The following RBM28 variants were observed in gnomAD, a reference collection of about 807,000 sequenced individuals.
The protein encoded by RBM28 is RNA-binding protein 28.
RBM28 carries 78 observed loss-of-function variants against 98.3 expected under a neutral mutation model. The ratio of observed to expected loss-of-function variants is 0.79; its 90% CI spans 0.66 to 0.96. The LOEUF is 0.96. Among genes scored for constraint, RBM28 ranks in the 40% least tolerant of loss-of-function variants. RBM28 has a pLI of 0.00. For synonymous variants in RBM28, 306 were observed against 330.9 expected (o/e 0.92, Z 0.82); for missense variants, 838 against 913.0 (o/e 0.92, Z 1.06).
Position 128,321,278 on chromosome 7 carries a change from C to T in RBM28, c.1551G>A (p.Val517=). ...GGCCACGTCTCACCTCCTTGATGCGCACCCCTTTCTCTCCACTAGTAGCAC... is the reference window on the plus strand; with the variant it reads ...GGCCACGTCTCACCTCCTTGATGCGTACCCCTTTCTCTCCACTAGTAGCAC... The part of the protein sequence containing the change: ...LLSATSGEKG[V]RIKECRVMRD... The change falls in exon 14 of 19, where the codon GTG becomes GTA. Residue 517 remains valine (V), a synonymous_variant. Coordinates refer to ENST00000223073, the MANE Select transcript of RBM28 (RefSeq NM_018077.3). The T allele has an allele frequency of 6.2e-7, 1 of 1,614,198 alleles. No homozygotes were observed. Among genetic ancestry groups the T allele is most frequent in the Non-Finnish European group, 8.5e-7 (1 of 1,180,010 alleles).
Position 128,308,338 on chromosome 7 carries a change from T to C in RBM28, c.*2459A>G, listed in dbSNP as rs977813235. ...TTGATCTATCCTAAGTGTTAAGATATATTTTTGAATGTTAAAGATATTCGT... is the reference window on the plus strand; with the variant it reads ...TTGATCTATCCTAAGTGTTAAGATACATTTTTGAATGTTAAAGATATTCGT... On this transcript the variant is annotated 3_prime_UTR_variant, in exon 19 of 19. Transcript: ENST00000223073. 3 of 152,336 alleles carry C rather than the reference T, an allele frequency of 2.0e-5. No homozygotes were observed. Among genetic ancestry groups the C allele is most frequent in the Admixed American group, 6.5e-5 (1 of 15,296 alleles). The allele number at this position is 152,336 out of a possible 1,614,324, so 9.4% of individuals were successfully genotyped here. A position where few individuals can be genotyped will look rare whatever the true frequency, so the allele number is the denominator to read the frequency against.
chr7:128,336,097 T>C, intron 6 of RBM28, 55 bp from the exon 7 acceptor site: 1 of 1,496,750 alleles, frequency 6.7e-7, no homozygotes, highest in Non-Finnish European at 9.1e-7. Context: ...AACAATGTTA[T>C]TTTAACAAAA....
intron 1 of RBM28, among the ~76,000 whole-genome samples, chr7:128,342,681 TAAA>T (rs879672091): frequency 6.9e-6 from 1 of 144,190 alleles, no homozygotes; most frequent in Non-Finnish European, 1.5e-5. Context: ...ACGCAGTCTT[TAAA>T]AAAAAAAAAA....
At chr7:128,325,386 A>G (rs1388595602) in intron 11 of RBM28, among the ~76,000 whole-genome samples, 3 of 152,242 alleles carry the variant, frequency 2.0e-5, no homozygotes, top group Non-Finnish European at 4.4e-5. Flanking sequence ...GACTTAAGAA[A>G]TAACAGCAAT....
chr7:128,317,794 G>T, intron 15 of RBM28, 61 bp from the exon 16 acceptor site: 1 of 1,490,226 alleles, frequency 6.7e-7, no homozygotes, highest in South Asian at 1.1e-5. Context: ...GCAATGAGCT[G>T]AGTTTTTCCC....
At chr7:128,339,608 C>T in intron 2 of RBM28, 25 bp downstream of exon 2, 1 of 1,609,936 alleles carries the variant, frequency 6.2e-7, no homozygotes. Context: ...GGGAGAAAAA[C>T]TTCCTTCAAT....
intron 12 of RBM28, among the ~76,000 whole-genome samples, chr7:128,324,125 G>C (rs1796295578): frequency 6.6e-6 from 1 of 152,182 alleles, no homozygotes; most frequent in Non-Finnish European, 1.5e-5. Context: ...GTGTGACCTA[G>C]AAGAATTTTT....
intron 11 of RBM28, among the ~76,000 whole-genome samples, chr7:128,325,581 A>G (rs1796332091): frequency 6.6e-6 from 1 of 152,192 alleles, no homozygotes; most frequent in Non-Finnish European, 1.5e-5. Flanking sequence ...ATACGTTATT[A>G]TCCCCTTTTC....
chr7:128,317,049 C>T (rs1053611657), intron 16 of RBM28, among the ~76,000 whole-genome samples: 2 of 152,180 alleles, frequency 1.3e-5, no homozygotes, highest in Admixed American at 1.3e-4. Flanking sequence ...TGACTGCGTG[C>T]TGACCATGCA....
chr7:128,341,222 G>A, intron 1 of RBM28: 1 of 1,271,982 alleles, frequency 7.9e-7, no homozygotes, highest in Non-Finnish European at 1.0e-6. Flanking sequence ...TACATAAACT[G>A]GTTAAAGCAA....
intron 1 of RBM28, among the ~76,000 whole-genome samples, chr7:128,341,765 G>A (rs974899199): frequency 1.3e-5 from 2 of 152,198 alleles, no homozygotes; most frequent in African/African-American, 4.8e-5. Context: ...GGTACGGAAT[G>A]CTACTTACAC....
At chr7:128,339,354 G>A (rs780688303) in intron 2 of RBM28, 33 bp from the exon 3 acceptor site, 7 of 1,508,656 alleles carry the variant, frequency 4.6e-6, no homozygotes, top group East Asian at 2.3e-5. Flanking sequence ...ATAAGTACTC[G>A]AAAATCACCC....
chr7:128,326,696 C>T (rs1262201956), intron 10 of RBM28, among the ~76,000 whole-genome samples: 4 of 152,108 alleles, frequency 2.6e-5, no homozygotes, highest in African/African-American at 7.2e-5. Flanking sequence ...CATTAAGTGA[C>T]GCATATTGCA....
rs527345264 is a variant in RBM28 at position 128,328,455 on chromosome 7, G to A, written c.1129+2364C>T. 2.9e-3 allele frequency among the ~76,000 whole-genome samples: 447 copies of A among 152,310 alleles called. 1 individual carries two copies. The highest frequency in any genetic ancestry group is 0.01 in the African/African-American group (429 of 41,564). ...GAGGGATAAACTACAGGAGCAGCAC[G>A]AGGCTGCATGAGTAGGCAAAAAAGG... On this transcript the variant is annotated intron_variant, in intron 10 of 18. Transcript: ENST00000223073.
At chr7:128,338,606 TA>T in intron 4 of RBM28, 119 bp downstream of exon 4, 2 of 812,564 alleles carry the variant, frequency 2.5e-6, no homozygotes, top group South Asian at 2.9e-5. Flanking sequence ...ATAAAACCAT[TA>T]TTTGGGTTTT....
intron 16 of RBM28, among the ~76,000 whole-genome samples, chr7:128,315,422 A>G (rs1350167441): frequency 6.6e-6 from 1 of 152,262 alleles, no homozygotes. Flanking sequence ...CCACAGATCT[A>G]GGAACTCAGA....
At position 128,318,522 on chromosome 7, in the gene RBM28, T is replaced by C. The variant is rs190592831; in HGVS notation, c.1564-416A>G. Among the ~76,000 whole-genome samples the C allele has an allele frequency of 1.8e-3, 278 of 151,862 alleles. 1 individual carries two copies. The highest frequency in any genetic ancestry group is 6.5e-3 in the African/African-American group (269 of 41,434). On this transcript the variant is annotated intron_variant, in intron 14 of 18. Transcript: ENST00000223073. ...GTTATTGAAACATAATCTTCATTTA[T>C]ACCACCATCACAAAAATCACACTGG...
chr7:128,329,769 G>T (rs1417782644), intron 10 of RBM28, among the ~76,000 whole-genome samples: 2 of 151,816 alleles, frequency 1.3e-5, no homozygotes, highest in East Asian at 2.0e-4. Context: ...GGCACCTGTA[G>T]TCCCAGCTAC....
chr7:128,332,650 G>C (rs1796506411), intron 9 of RBM28, among the ~76,000 whole-genome samples: 1 of 152,004 alleles, frequency 6.6e-6, no homozygotes, highest in Admixed American at 6.6e-5. Flanking sequence ...CCGCACCCAA[G>C]AAAATAATTC....
Sources: gnomAD v4.1 joint callset for allele counts (sites outside exome capture counted in the v4.1 genomes callset) on GRCh38, gnomAD v4.1.1 for gene constraint, MANE v1.5 for transcripts, NCBI Gene and HGNC (gene_info 2026-07-23, HGNC 2026-07-21) for gene names.